Variants in CDK19 observed in about 807,000 individuals in gnomAD.
The protein encoded by CDK19 is cyclin dependent kinase 19, also known as cyclin-dependent kinase 19.
Under a neutral mutation model 68.3 loss-of-function variants are expected in CDK19, and 20 were observed. The ratio of observed to expected loss-of-function variants is 0.29; its 90% CI spans 0.21 to 0.43. The LOEUF (loss-of-function observed/expected upper bound fraction) is 0.43, where lower values mean the gene tolerates loss of function less well. Among genes scored for constraint, CDK19 ranks in the 20% least tolerant of loss-of-function variants. The pLI, the probability that CDK19 is intolerant of heterozygous loss-of-function variation, is 1.00. For missense variants in CDK19, 339 were observed against 623.5 expected (o/e 0.54, Z 4.86); for synonymous variants, 221 against 222.8 (o/e 0.99, Z 0.07).
intron 1 of CDK19, among the ~76,000 whole-genome samples, chr6:110,764,984 A>AAATAAATAAAT (rs1478455172): frequency 2.1e-5 from 1 of 46,976 alleles, no homozygotes; most frequent in East Asian, 8.8e-4. Flanking sequence ...AATAAATAAA[A>AAATAAATAAAT]ATTTTAGGGG....
chr6:110,646,161 C>A, intron 4 of CDK19: 1 of 1,038,302 alleles, frequency 9.6e-7, no homozygotes, highest in Non-Finnish European at 1.4e-6. Flanking sequence ...GAGCACGCAG[C>A]GCGCCACCGG....
intron 1 of CDK19, among the ~76,000 whole-genome samples, chr6:110,747,698 T>C (rs1027800283): frequency 6.6e-6 from 1 of 152,186 alleles, no homozygotes; most frequent in Non-Finnish European, 1.5e-5. Context: ...AAACAATCTT[T>C]AGTATTTTCA....
chr6:110,796,180 T>C (rs1285540201), intron 1 of CDK19, among the ~76,000 whole-genome samples: 1 of 151,732 alleles, frequency 6.6e-6, no homozygotes, highest in African/African-American at 2.4e-5. Flanking sequence ...CTACTAAAAA[T>C]ACAAAAAATT....
chr6:110,747,020 C>G (rs1583011291), intron 1 of CDK19, among the ~76,000 whole-genome samples: 1 of 152,172 alleles, frequency 6.6e-6, no homozygotes, highest in East Asian at 1.9e-4. Context: ...AGCTGAATGT[C>G]ATAACTATAG....
chr6:110,801,747 G>A (rs954413918), intron 1 of CDK19, among the ~76,000 whole-genome samples: 13 of 152,216 alleles, frequency 8.5e-5, no homozygotes, highest in Admixed American at 3.3e-4. Flanking sequence ...TCCTGACCTC[G>A]TGATCCACCT....
At chr6:110,795,082 C>T (rs2115085848) in intron 1 of CDK19, among the ~76,000 whole-genome samples, 1 of 152,140 alleles carries the variant, frequency 6.6e-6, no homozygotes, top group South Asian at 2.1e-4. Flanking sequence ...GTGTTTCTCC[C>T]ACCTCAGCCT....
intron 1 of CDK19, among the ~76,000 whole-genome samples, chr6:110,781,738 G>C (rs1780840144): frequency 6.6e-6 from 1 of 151,972 alleles, no homozygotes; most frequent in Admixed American, 6.6e-5. Flanking sequence ...CACCTACTCA[G>C]GAGGCTGAGG....
In CDK19 at chr6:110,646,561, A is replaced by T. The variant is rs977669817; in HGVS notation, c.457-7855T>A. ...AACAGGTGCTTAAGTCGTGCTGAGT[A>T]CGGCCACCTGCAGGGGGTCAACCGG... On this transcript the variant is annotated intron_variant, in intron 4 of 12. Transcript: ENST00000368911. 3.0e-6 allele frequency: 3 copies of T among 998,068 alleles called. No individual in the cohort carries two copies. The South Asian group carries it at 6.9e-5, about 23-fold the overall frequency. 61.8% of individuals were successfully genotyped at this position (998,068 alleles called of 1,614,324 possible).
intron 1 of CDK19, among the ~76,000 whole-genome samples, chr6:110,760,396 CAAAA>C (rs34613571): frequency 1.3e-4 from 5 of 39,776 alleles, no homozygotes; most frequent in South Asian, 1.1e-3. Flanking sequence ...GGCTTTGTCT[CAAAA>C]AAAAAAAAAA....
At chr6:110,717,735 C>A (rs1220232042) in intron 2 of CDK19, among the ~76,000 whole-genome samples, 1 of 152,022 alleles carries the variant, frequency 6.6e-6, no homozygotes, top group African/African-American at 2.4e-5. Flanking sequence ...GAGTTTTGCT[C>A]TTGTTGCCCA....
chr6:110,736,234 G>A (rs1023651631), intron 2 of CDK19, among the ~76,000 whole-genome samples: 2 of 152,110 alleles, frequency 1.3e-5, no homozygotes, highest in African/African-American at 4.8e-5. Context: ...CCAGCTACTC[G>A]GGAGGCTGAG....
At chr6:110,687,801 T>C (rs942074118) in intron 2 of CDK19, among the ~76,000 whole-genome samples, 22 of 152,194 alleles carry the variant, frequency 1.4e-4, no homozygotes, top group Non-Finnish European at 2.9e-5. Flanking sequence ...AATCACTAAA[T>C]TATAATAATG....
chr6:110,735,241 C>T (rs1777158865), intron 2 of CDK19, among the ~76,000 whole-genome samples: 1 of 151,760 alleles, frequency 6.6e-6, no homozygotes, highest in Non-Finnish European at 1.5e-5. Context: ...GCCACCACGC[C>T]CAGCACACAA....
intron 2 of CDK19, among the ~76,000 whole-genome samples, chr6:110,731,762 C>G (rs1398040525): frequency 2.0e-5 from 3 of 152,104 alleles, no homozygotes; most frequent in Admixed American, 6.5e-5. Context: ...TAAAACCATT[C>G]AATCTATCCT....
Position 110,767,482 on chromosome 6 carries a change from G to A in CDK19, c.129-21281C>T, listed in dbSNP as rs1282878636. Among the ~76,000 whole-genome samples, 40 of 148,548 alleles carry A rather than the reference G, an allele frequency of 2.7e-4. 1 individual carries two copies. The highest frequency in any genetic ancestry group is 2.6e-3 in the Admixed American group (39 of 14,902). Reference sequence around the variant, plus strand: ...CAATTCTCTCACTTCAGCCTCCCAAGTAACTGGGACTACAGGCATACGTCA... The same window carrying A: ...CAATTCTCTCACTTCAGCCTCCCAAATAACTGGGACTACAGGCATACGTCA... On this transcript the variant is annotated intron_variant, in intron 1 of 12. Coordinates refer to ENST00000368911, the MANE Select transcript of CDK19 (RefSeq NM_015076.5).
chr6:110,724,802 C>T (rs1479329958), intron 2 of CDK19, among the ~76,000 whole-genome samples: 3 of 151,110 alleles, frequency 2.0e-5, no homozygotes, highest in South Asian at 4.2e-4. Flanking sequence ...GTTTCTGTGC[C>T]GGAATTAAGT....
chr6:110,694,276 G>A, intron 2 of CDK19, among the ~76,000 whole-genome samples: 1 of 151,976 alleles, frequency 6.6e-6, no homozygotes, highest in Non-Finnish European at 1.5e-5. Flanking sequence ...CCTCACATAA[G>A]CTTAAAGTAA....
In CDK19 at chr6:110,621,988, GAAA is replaced by G. The variant is rs1177388607; in HGVS notation, c.1110+97_1110+99del. On this transcript the variant is annotated intron_variant, in intron 11 of 12. Coordinates refer to ENST00000368911, the MANE Select transcript of CDK19 (RefSeq NM_015076.5). The surrounding 1 kb of genome is among the most constrained non-coding windows in gnomAD (Gnocchi z 5.4). ...TACATTCAAATTTAATTAAATATTA[GAAA>G]AGGTGGTTAAATGTATAGGAATTAT... 1.7e-6 allele frequency: 1 copy of G among 605,948 alleles called. No homozygotes were observed. The highest frequency in any genetic ancestry group is 2.8e-6 in the Non-Finnish European group (1 of 353,874). 37.5% of individuals were successfully genotyped at this position (605,948 alleles called of 1,614,324 possible).
intron 1 of CDK19, 180 bp downstream of exon 1, chr6:110,814,829 C>G: frequency 1.2e-6 from 1 of 812,954 alleles, no homozygotes; most frequent in Non-Finnish European, 2.0e-6. Flanking sequence ...CGCGACGGGG[C>G]CGCGCGGGGG....
Sources: gnomAD v4.1 joint callset for allele counts (sites outside exome capture counted in the v4.1 genomes callset) on GRCh38, gnomAD v4.1.1 for gene constraint, Gnocchi (gnomAD v3.1) non-coding constraint, MANE v1.5 for transcripts, NCBI Gene and HGNC (gene_info 2026-07-23, HGNC 2026-07-21) for gene names.